Variants in SEL1L2 observed in about 807,000 individuals in gnomAD.
SEL1L2 encodes SEL1L2 adaptor subunit of SYVN1 ubiquitin ligase.
SEL1L2 carries 89 observed loss-of-function variants against 98.8 expected under a neutral mutation model. That is an observed-to-expected ratio of 0.90 (90% CI 0.76 to 1.07). SEL1L2 has a LOEUF of 1.07. Ranked by LOEUF, SEL1L2 falls within the 50% of genes least tolerant of loss-of-function variation. The pLI is 0.00. For synonymous variants in SEL1L2, 262 were observed against 278.5 expected, an observed-to-expected ratio of 0.94 and a Z score of 0.59; for missense variants, 788 against 812.0, an observed-to-expected ratio of 0.97 and a Z score of 0.36.
chr20:13,981,688 T>C (rs189888832), intron 1 of SEL1L2, among the ~76,000 whole-genome samples: 6 of 152,346 alleles, frequency 3.9e-5, no homozygotes, highest in Non-Finnish European at 8.8e-5. Flanking sequence ...ATGTGCTTTT[T>C]TACTGATCCC....
intron 18 of SEL1L2, among the ~76,000 whole-genome samples, chr20:13,853,254 G>A (rs991330628): frequency 1.3e-5 from 2 of 151,272 alleles, no homozygotes; most frequent in South Asian, 2.1e-4. Flanking sequence ...GCTGGAGTAC[G>A]GTGGCAGGCT....
At chr20:13,944,600 T>C (rs1364988666) in intron 2 of SEL1L2, among the ~76,000 whole-genome samples, 1 of 152,158 alleles carries the variant, frequency 6.6e-6, no homozygotes, top group Non-Finnish European at 1.5e-5. Context: ...AGTCAACATG[T>C]CAAGTCTCAG....
At chr20:13,913,576 A>G (rs2048288930) in intron 5 of SEL1L2, 1 of 408,164 alleles carries the variant, frequency 2.4e-6, no homozygotes, top group Admixed American at 4.5e-5. Flanking sequence ...AGGTGAATAC[A>G]TTTTATATAA....
intron 1 of SEL1L2, among the ~76,000 whole-genome samples, chr20:13,977,104 A>C (rs1371909257): frequency 6.6e-6 from 1 of 152,230 alleles, no homozygotes; most frequent in East Asian, 1.9e-4. Context: ...CCTTGAAAAC[A>C]AATGTTGATT....
intron 10 of SEL1L2, among the ~76,000 whole-genome samples, chr20:13,878,739 C>G (rs1157402791): frequency 6.6e-6 from 1 of 152,166 alleles, no homozygotes; most frequent in Non-Finnish European, 1.5e-5. Context: ...TTTACCCTTT[C>G]AAAAACTTGA....
chr20:13,882,709 A>G (rs1449739243), intron 10 of SEL1L2, among the ~76,000 whole-genome samples: 4 of 152,248 alleles, frequency 2.6e-5, no homozygotes, highest in Non-Finnish European at 4.4e-5. Context: ...CTGACCTGCC[A>G]AAATCATGAA....
chr20:13,915,231 G>A (rs1176807612), intron 4 of SEL1L2: 50 of 1,288,968 alleles, frequency 3.9e-5, no homozygotes, highest in Non-Finnish European at 2.1e-5. Flanking sequence ...ATCCAGGTAG[G>A]CATTAGAATC....
intron 2 of SEL1L2, among the ~76,000 whole-genome samples, chr20:13,939,035 G>GTTTTCTTTTTTTTTTTTTTTTTTTTTT (rs779584914): frequency 3.2e-5 from 1 of 31,472 alleles, no homozygotes; most frequent in Non-Finnish European, 6.4e-5. Flanking sequence ...TTGTTTGCTT[G>GTTTTCTTTTTTTTTTTTTTTTTTTTTT]TTTTGTTTTT....
chr20:13,888,490 TAAG>T lies in SEL1L2; in HGVS notation c.569_571del (p.Ser190del), dbSNP rs2047056146. On this transcript the variant is annotated inframe_deletion, in exon 6 of 20. Transcript: ENST00000284951. Reference sequence around the variant, plus strand: ...TTGATCATATTCCATTCCTATTCCATAAGAAGACAAAAATCCTAATGCCTAAAG... The same window carrying T: ...TTGATCATATTCCATTCCTATTCCATAAGACAAAAATCCTAATGCCTAAAG... 6.4e-7 allele frequency: 1 copy of T among 1,564,948 alleles called. No individual in the cohort carries two copies. The highest frequency in any genetic ancestry group is 1.2e-5 in the South Asian group (1 of 86,060).
intron 18 of SEL1L2, among the ~76,000 whole-genome samples, chr20:13,851,963 G>A (rs1431218495): frequency 6.6e-6 from 1 of 152,164 alleles, no homozygotes; most frequent in Non-Finnish European, 1.5e-5. Flanking sequence ...GAAGAAAGAG[G>A]AAAGTTCTTG....
intron 10 of SEL1L2, among the ~76,000 whole-genome samples, chr20:13,884,324 C>G (rs2046845201): frequency 6.6e-6 from 1 of 151,738 alleles, no homozygotes; most frequent in Admixed American, 6.6e-5. Context: ...AAAAAAAATC[C>G]AGTTACTTCC....
intron 3 of SEL1L2, among the ~76,000 whole-genome samples, chr20:13,929,690 C>T (rs1176637227): frequency 3.3e-5 from 5 of 151,546 alleles, no homozygotes; most frequent in African/African-American, 7.3e-5. Context: ...TTAGCAGAGA[C>T]GGGGTTTCAC....
intron 1 of SEL1L2, among the ~76,000 whole-genome samples, chr20:13,970,081 A>G (rs2148504506): frequency 6.6e-6 from 1 of 152,160 alleles, no homozygotes; most frequent in Non-Finnish European, 1.5e-5. Context: ...TCTTAATTAA[A>G]AATGTTGTTT....
intron 2 of SEL1L2, among the ~76,000 whole-genome samples, chr20:13,954,738 G>A (rs1407958383): frequency 6.6e-6 from 1 of 152,100 alleles, no homozygotes; most frequent in Admixed American, 6.6e-5. Flanking sequence ...AGCAGTAAGA[G>A]GATTCCAAAG....
chr20:13,942,527 A>G (rs1171600896), intron 2 of SEL1L2, among the ~76,000 whole-genome samples: 1 of 152,188 alleles, frequency 6.6e-6, no homozygotes, highest in Non-Finnish European at 1.5e-5. Flanking sequence ...CAAGTCCTCC[A>G]GGTGATTATG....
At chr20:13,882,317 T>C (rs2046742499) in intron 10 of SEL1L2, among the ~76,000 whole-genome samples, 1 of 152,214 alleles carries the variant, frequency 6.6e-6, no homozygotes, top group Admixed American at 6.5e-5. Context: ...GTTGCAAGAA[T>C]GACCACAGTA....
At chr20:13,850,371 C>T (rs975109081) in intron 18 of SEL1L2, 52 bp from the exon 19 acceptor site, 9 of 1,588,956 alleles carry the variant, frequency 5.7e-6, no homozygotes, top group African/African-American at 2.7e-5. Context: ...GGTAAGTAAA[C>T]AGACACCATT....
At chr20:13,872,827 T>C (rs368484724) in intron 12 of SEL1L2, among the ~76,000 whole-genome samples, 2 of 152,002 alleles carry the variant, frequency 1.3e-5, no homozygotes, top group East Asian at 3.9e-4. Flanking sequence ...GCCGGTGATA[T>C]AAGAAATAAA....
At chr20:13,888,635 CTTT>C (rs71188192) in intron 5 of SEL1L2, 123 bp from the exon 6 acceptor site, 691 of 205,802 alleles carry the variant, frequency 3.4e-3, no homozygotes, top group Middle Eastern at 4.1e-3. Context: ...CTTTCTTTCT[CTTT>C]TTTTTTTTTT....
Sources: gnomAD v4.1 joint callset for allele counts (sites outside exome capture counted in the v4.1 genomes callset) on GRCh38, gnomAD v4.1.1 for gene constraint, MANE v1.5 for transcripts, NCBI Gene and HGNC (gene_info 2026-07-23, HGNC 2026-07-21) for gene names.